Variants in DPP6 observed in about 807,000 individuals in gnomAD.
DPP6 encodes dipeptidyl peptidase like 6.
A neutral mutation model predicts 122.6 loss-of-function variants in DPP6; 69 were observed. The ratio of observed to expected loss-of-function variants is 0.56; its 90% CI spans 0.46 to 0.69. The LOEUF (loss-of-function observed/expected upper bound fraction) is 0.69. DPP6 is among the 30% of genes least tolerant of loss of function. The pLI is 0.00. For synonymous variants in DPP6, 418 were observed against 433.1 expected, an observed-to-expected ratio of 0.97 and a Z score of 0.43; for missense variants, 928 against 1,116.9, an observed-to-expected ratio of 0.83 and a Z score of 2.41.
At chr7:154,257,271 C>G (rs1257550857) in intron 1 of DPP6, among the ~76,000 whole-genome samples, 1 of 152,000 alleles carries the variant, frequency 6.6e-6, no homozygotes, top group Non-Finnish European at 1.5e-5. Context: ...GAGGCTATTC[C>G]TACCTGTTGT....
chr7:153,982,584 G>T (rs1796641334), intron 1 of DPP6, among the ~76,000 whole-genome samples: 1 of 151,996 alleles, frequency 6.6e-6, no homozygotes, highest in African/African-American at 2.4e-5. Context: ...TTGTTCCCTT[G>T]CTGGTGAGGA....
In DPP6 at chr7:154,140,063, G is replaced by C. The variant is rs148699816; in HGVS notation, c.243+87000G>C. Among the ~76,000 whole-genome samples the C allele has an allele frequency of 5.1e-3, 779 of 152,236 alleles. 6 individuals carry two copies. Among genetic ancestry groups the C allele is most frequent in the African/African-American group, 0.018 (745 of 41,540 alleles). On this transcript the variant is annotated intron_variant, in intron 1 of 25. Coordinates refer to ENST00000377770, the MANE Select transcript of DPP6 (RefSeq NM_130797.4). ...CCAATATGTGAATTAGGTCTGATGG[G>C]GGGTAGCTGCTCACTGGTCATGATA... is the stretch of plus-strand genomic sequence containing the variant.
intron 1 of DPP6, among the ~76,000 whole-genome samples, chr7:154,372,183 G>A (rs1812732900): frequency 6.6e-6 from 1 of 152,146 alleles, no homozygotes; most frequent in African/African-American, 2.4e-5. Context: ...CATTCTCCAG[G>A]CAGAAATGGT....
intron 8 of DPP6, among the ~76,000 whole-genome samples, chr7:154,747,859 C>G (rs1406046907): frequency 1.3e-5 from 2 of 152,112 alleles, no homozygotes; most frequent in Non-Finnish European, 2.9e-5. Flanking sequence ...CAAAGTGCGT[C>G]ACAAATGATA....
intron 5 of DPP6, among the ~76,000 whole-genome samples, chr7:154,576,072 G>C (rs1831650232): frequency 6.6e-6 from 1 of 152,012 alleles, no homozygotes. Flanking sequence ...ATAAGTGGCA[G>C]TTTGTGTCCA....
chr7:154,272,173 A>C (rs1585796861), intron 1 of DPP6, among the ~76,000 whole-genome samples: 1 of 152,180 alleles, frequency 6.6e-6, no homozygotes, highest in African/African-American at 2.4e-5. Flanking sequence ...CTGAGCTTCT[A>C]CCTAAGCATC....
At chr7:154,319,168 AC>A (rs1316707123) in intron 1 of DPP6, among the ~76,000 whole-genome samples, 2 of 152,226 alleles carry the variant, frequency 1.3e-5, no homozygotes, top group Non-Finnish European at 2.9e-5. Context: ...TTTTTTTACA[AC>A]AAAAATTATA....
chr7:154,666,301 T>C (rs1838161896), intron 6 of DPP6, among the ~76,000 whole-genome samples: 1 of 149,824 alleles, frequency 6.7e-6, no homozygotes, highest in Non-Finnish European at 1.5e-5. Context: ...TTTATAGAGT[T>C]ATTCATTCTC....
intron 3 of DPP6, among the ~76,000 whole-genome samples, chr7:154,529,972 G>A (rs141734062): frequency 0.019 from 2,941 of 151,730 alleles, 112 homozygotes; most frequent in African/African-American, 0.067. Context: ...CTACAAATAT[G>A]AAAATTAGCT....
intron 1 of DPP6, among the ~76,000 whole-genome samples, chr7:153,910,661 A>C (rs1563225061): frequency 6.6e-6 from 1 of 152,080 alleles, no homozygotes; most frequent in Admixed American, 6.5e-5. Context: ...GGTCATAAAA[A>C]CCAGCAGAGC....
intron 8 of DPP6, among the ~76,000 whole-genome samples, chr7:154,765,186 G>T (rs1234641545): frequency 1.3e-5 from 2 of 152,172 alleles, no homozygotes; most frequent in African/African-American, 4.8e-5. Context: ...CAAATGCCAG[G>T]ATTTCCTCTC....
chr7:154,169,744 T>C (rs1585540713), intron 1 of DPP6, among the ~76,000 whole-genome samples: 1 of 152,266 alleles, frequency 6.6e-6, no homozygotes, highest in Middle Eastern at 3.4e-3. Context: ...TTATTATTAT[T>C]ATTTGAGATG....
At chr7:154,580,172 C>A (rs964597858) in intron 5 of DPP6, among the ~76,000 whole-genome samples, 48 of 149,094 alleles carry the variant, frequency 3.2e-4, no homozygotes, top group Non-Finnish European at 6.0e-4. Flanking sequence ...CACACACACA[C>A]ACATGCACAC....
chr7:154,202,336 G>A (rs1322321865), intron 1 of DPP6, among the ~76,000 whole-genome samples: 1 of 152,078 alleles, frequency 6.6e-6, no homozygotes, highest in Admixed American at 6.5e-5. Flanking sequence ...GACAATAAGG[G>A]GACAGAGAAG....
the DPP6 span, among the ~76,000 whole-genome samples, chr7:153,792,611 C>G: frequency 6.6e-6 from 1 of 150,958 alleles, no homozygotes; most frequent in East Asian, 1.9e-4. Flanking sequence ...AATTTGTCCA[C>G]TTTGTTGAAA....
At chr7:154,367,016 G>A (rs1191519147) in intron 1 of DPP6, among the ~76,000 whole-genome samples, 1 of 152,228 alleles carries the variant, frequency 6.6e-6, no homozygotes, top group Non-Finnish European at 1.5e-5. Flanking sequence ...TATGATTAGT[G>A]TCGGTGTTCT....
chr7:154,651,027 GT>G (rs1836844018), intron 6 of DPP6, among the ~76,000 whole-genome samples: 1 of 152,124 alleles, frequency 6.6e-6, no homozygotes. Context: ...ATTTCTATTG[GT>G]TTTTTGAAAT....
intron 1 of DPP6, among the ~76,000 whole-genome samples, chr7:154,234,205 GA>G (rs1801070794): frequency 2.6e-5 from 4 of 152,166 alleles, no homozygotes; most frequent in Admixed American, 2.6e-4. Context: ...GTGACAACTT[GA>G]AAATGAGTCT....
At chr7:153,905,802 C>T (rs765815538) in intron 1 of DPP6, among the ~76,000 whole-genome samples, 5 of 152,124 alleles carry the variant, frequency 3.3e-5, no homozygotes, top group Non-Finnish European at 7.4e-5. Flanking sequence ...CAAGGAAGTC[C>T]GTGGGAGCAA....
Sources: allele counts gnomAD v4.1 joint callset (sites outside exome capture counted in the v4.1 genomes callset), GRCh38; gene constraint gnomAD v4.1.1; transcripts MANE v1.5; gene names NCBI Gene and HGNC (gene_info 2026-07-23, HGNC 2026-07-21).